The following GRM8 variants were observed in gnomAD, a reference collection of about 807,000 sequenced individuals.
GRM8 encodes the protein glutamate metabotropic receptor 8.
Under a neutral mutation model 87.2 loss-of-function variants are expected in GRM8, and 47 were observed. The ratio of observed to expected loss-of-function variants is 0.54; its 90% CI spans 0.43 to 0.69. GRM8 has a LOEUF of 0.69. GRM8 is among the 30% of genes least tolerant of loss of function. The pLI is 0.00. For missense variants in GRM8, 1,019 were observed against 1,139.2 expected, an observed-to-expected ratio of 0.89 and a Z score of 1.52; for synonymous variants, 396 against 404.5, an observed-to-expected ratio of 0.98 and a Z score of 0.25.
intron 2 of GRM8, among the ~76,000 whole-genome samples, chr7:127,174,294 G>T (rs1007772205): frequency 6.6e-6 from 1 of 152,168 alleles, no homozygotes; most frequent in African/African-American, 2.4e-5. Context: ...CTAGGAAGTA[G>T]GAAAAGTAGA....
chr7:126,708,102 T>C (rs995556872), intron 7 of GRM8, among the ~76,000 whole-genome samples: 19 of 152,172 alleles, frequency 1.2e-4, no homozygotes, highest in Non-Finnish European at 2.8e-4. Flanking sequence ...CAAAAGAAGA[T>C]ATACAGATGT....
intron 7 of GRM8, among the ~76,000 whole-genome samples, chr7:126,622,687 C>T (rs1424280445): frequency 6.6e-6 from 1 of 152,120 alleles, no homozygotes; most frequent in African/African-American, 2.4e-5. Context: ...GCAGAAGTAT[C>T]CCCATCAATT....
At chr7:127,126,581 T>C (rs974717219) in intron 2 of GRM8, among the ~76,000 whole-genome samples, 6 of 152,014 alleles carry the variant, frequency 3.9e-5, no homozygotes, top group Non-Finnish European at 5.9e-5. Context: ...CTATATAATA[T>C]GTCCATGTAA....
At chr7:126,762,416 A>T (rs538560136) in intron 7 of GRM8, among the ~76,000 whole-genome samples, 25 of 152,180 alleles carry the variant, frequency 1.6e-4, no homozygotes, top group Non-Finnish European at 2.6e-4. Flanking sequence ...GGGGAAAAAA[A>T]CCTAGGATCC....
chr7:127,110,219 T>G (rs570200961), intron 2 of GRM8, among the ~76,000 whole-genome samples: 2 of 152,292 alleles, frequency 1.3e-5, no homozygotes, highest in Non-Finnish European at 2.9e-5. Context: ...ACAAATAATC[T>G]TTTTGTGAAC....
intron 7 of GRM8, among the ~76,000 whole-genome samples, chr7:126,717,094 T>C (rs1360308520): frequency 6.6e-6 from 1 of 152,172 alleles, no homozygotes; most frequent in East Asian, 1.9e-4. Flanking sequence ...CTTGGGACCA[T>C]CTTTGTGAGA....
chr7:126,593,051 C>T (rs973073645), intron 8 of GRM8, among the ~76,000 whole-genome samples: 10 of 151,780 alleles, frequency 6.6e-5, no homozygotes, highest in East Asian at 3.9e-4. Flanking sequence ...ATAAACTTAA[C>T]GAGGAGTTAG....
chr7:127,206,005 C>G lies in GRM8; in HGVS notation c.510+36690G>C, dbSNP rs531417305. Among the ~76,000 whole-genome samples the G allele has an allele frequency of 2.0e-5, 3 of 152,200 alleles. No homozygotes were observed. In the East Asian group the frequency reaches 5.8e-4, roughly 29 times the overall value. Reference sequence around the variant, plus strand: ...AAGAGCCACAGTCCACCTTGGACTCCGTTAGGAAGCCCTGCCAGGTATAGA... The same window carrying G: ...AAGAGCCACAGTCCACCTTGGACTCGGTTAGGAAGCCCTGCCAGGTATAGA... On this transcript the variant is annotated intron_variant, in intron 2 of 10. Coordinates refer to ENST00000339582, the MANE Select transcript of GRM8 (RefSeq NM_000845.3).
intron 9 of GRM8, among the ~76,000 whole-genome samples, chr7:126,497,461 A>C (rs2150675221): frequency 6.6e-6 from 1 of 151,998 alleles, no homozygotes; most frequent in African/African-American, 2.4e-5. Flanking sequence ...GAAGTTACTA[A>C]TTTCTAAAGA....
chr7:126,483,348 T>C (rs926840428), intron 9 of GRM8, among the ~76,000 whole-genome samples: 3 of 151,372 alleles, frequency 2.0e-5, no homozygotes, highest in African/African-American at 7.3e-5. Context: ...TCAACACTTA[T>C]AACTAGACTT....
chr7:126,777,920 A>G (rs1819647522), intron 6 of GRM8, among the ~76,000 whole-genome samples: 1 of 152,134 alleles, frequency 6.6e-6, no homozygotes, highest in Non-Finnish European at 1.5e-5. Context: ...AAGCTTATAC[A>G]TTTATCTTTA....
intron 3 of GRM8, among the ~76,000 whole-genome samples, chr7:127,068,725 A>G (rs1294632351): frequency 6.6e-6 from 1 of 152,240 alleles, no homozygotes; most frequent in Non-Finnish European, 1.5e-5. Context: ...AGCAGGAGAC[A>G]GGCTGAATCT....
At chr7:126,636,794 G>T (rs1383643335) in intron 7 of GRM8, among the ~76,000 whole-genome samples, 2 of 151,934 alleles carry the variant, frequency 1.3e-5, no homozygotes, top group East Asian at 3.8e-4. Flanking sequence ...AATAACAAAA[G>T]CACAGTAATT....
intron 2 of GRM8, among the ~76,000 whole-genome samples, chr7:127,214,262 G>T (rs963942528): frequency 6.6e-6 from 1 of 152,172 alleles, no homozygotes; most frequent in Non-Finnish European, 1.5e-5. Context: ...GGAACAGAAA[G>T]GGGGTTTATG....
At chr7:126,984,513 C>T (rs900420070) in intron 3 of GRM8, among the ~76,000 whole-genome samples, 4 of 152,134 alleles carry the variant, frequency 2.6e-5, no homozygotes, top group Non-Finnish European at 4.4e-5. Flanking sequence ...ATCTTTCTCC[C>T]GTGCTAGATG....
chr7:127,238,245 A>T (rs1798088747), intron 2 of GRM8, among the ~76,000 whole-genome samples: 1 of 151,948 alleles, frequency 6.6e-6, no homozygotes, highest in African/African-American at 2.4e-5. Context: ...ATGTTATATG[A>T]GTGAAGCAAT....
intron 3 of GRM8, among the ~76,000 whole-genome samples, chr7:127,070,685 G>A (rs897604849): frequency 6.6e-6 from 1 of 152,128 alleles, no homozygotes; most frequent in Non-Finnish European, 1.5e-5. Flanking sequence ...ATTCTCACAA[G>A]CACATTATAT....
At chr7:127,114,980 A>C (rs1282297202) in intron 2 of GRM8, among the ~76,000 whole-genome samples, 1 of 152,162 alleles carries the variant, frequency 6.6e-6, no homozygotes, top group Non-Finnish European at 1.5e-5. Context: ...CGAGGTTGGC[A>C]GTTGTTACCC....
At chr7:127,137,594 G>T (rs181749844) in intron 2 of GRM8, among the ~76,000 whole-genome samples, 7 of 151,862 alleles carry the variant, frequency 4.6e-5, no homozygotes, top group African/African-American at 1.7e-4. Flanking sequence ...TTAAACTTAC[G>T]TAGGTTACTT....
Sources: allele counts gnomAD v4.1 joint callset (sites outside exome capture counted in the v4.1 genomes callset), GRCh38; gene constraint gnomAD v4.1.1; transcripts MANE v1.5; gene names NCBI Gene and HGNC (gene_info 2026-07-23, HGNC 2026-07-21).